The following ATP2B2 variants were observed in gnomAD, a reference collection of about 807,000 sequenced individuals.
ATP2B2 encodes the protein plasma membrane calcium-transporting ATPase 2.
ATP2B2 carries 15 observed loss-of-function variants against 120.0 expected under a neutral mutation model. The ratio of observed to expected loss-of-function variants is 0.12; its 90% CI spans 0.08 to 0.19. The LOEUF is 0.19. Ranked by LOEUF, ATP2B2 falls within the 10% of genes least tolerant of loss-of-function variation. The pLI is 1.00. For synonymous variants in ATP2B2, 694 were observed against 700.3 expected, an observed-to-expected ratio of 0.99 and a Z score of 0.14; for missense variants, 1,045 against 1,719.8, an observed-to-expected ratio of 0.61 and a Z score of 6.94.
intron 1 of ATP2B2, among the ~76,000 whole-genome samples, chr3:10,474,270 G>GAAGAATCCTGTTTTGGACTTGTT (rs1326972811): frequency 2.6e-5 from 4 of 152,164 alleles, no homozygotes; most frequent in Non-Finnish European, 5.9e-5. Flanking sequence ...TAGGCATGAT[G>GAAGAATCCTGTTTTGGACTTGTT]AAGAATCCTG....
At position 10,346,200 on chromosome 3, in the gene ATP2B2, C is replaced by A; in HGVS notation, c.2405-63G>T. ...CAGGTGGGAGGCAGCCTGGGCCAGC[C>A]CTGGTCCTCGGGAGGGGCCTGGCTG... On this transcript the variant is annotated intron_variant, in intron 16 of 22. Transcript: ENST00000360273. The surrounding 1 kb of genome is among the most constrained non-coding windows in gnomAD (Gnocchi z 4.1). 1 of 1,549,656 alleles carries A rather than the reference C, an allele frequency of 6.5e-7. No homozygotes were observed. The highest frequency in any genetic ancestry group is 8.8e-7 in the Non-Finnish European group (1 of 1,134,290).
chr3:10,570,466 T>C (rs1335662397), intron 2 of ATP2B2: 2 of 152,186 alleles, frequency 1.3e-5, no homozygotes, highest in Admixed American at 6.5e-5. Context: ...CCATTGTTAG[T>C]GATTTTAAGA....
chr3:10,415,904 G>A (rs2062764949), intron 2 of ATP2B2, among the ~76,000 whole-genome samples: 1 of 152,204 alleles, frequency 6.6e-6, no homozygotes, highest in Admixed American at 6.5e-5. Flanking sequence ...AGAGGTCAGA[G>A]CACTAGAGGA....
chr3:10,364,863 T>C (rs907736604), intron 12 of ATP2B2, among the ~76,000 whole-genome samples: 1 of 152,254 alleles, frequency 6.6e-6, no homozygotes, highest in Non-Finnish European at 1.5e-5. Context: ...TCTGGTGACC[T>C]AGCCAGTATC....
chr3:10,581,439 T>G (rs2068387389), intron 2 of ATP2B2, among the ~76,000 whole-genome samples: 1 of 152,002 alleles, frequency 6.6e-6, no homozygotes, highest in Non-Finnish European at 1.5e-5. Flanking sequence ...GCCAGAGAAC[T>G]GGGGCAAGGC....
intron 2 of ATP2B2, among the ~76,000 whole-genome samples, chr3:10,424,159 G>A (rs774774815): frequency 4.6e-5 from 7 of 152,126 alleles, no homozygotes; most frequent in Non-Finnish European, 7.3e-5. Context: ...CTTTATACAC[G>A]GGCCTTGCAT....
chr3:10,579,858 C>A (rs1044594348), intron 2 of ATP2B2, among the ~76,000 whole-genome samples: 1 of 87,822 alleles, frequency 1.1e-5, no homozygotes, highest in Non-Finnish European at 2.6e-5. Context: ...AGAAACAGAC[C>A]CAGAAGGTGG....
intron 2 of ATP2B2, among the ~76,000 whole-genome samples, chr3:10,598,857 G>A (rs1344522003): frequency 2.0e-5 from 3 of 152,194 alleles, no homozygotes; most frequent in African/African-American, 2.4e-5. Flanking sequence ...TGCAGTCCCC[G>A]GCCTGGAGCA....
Position 10,340,430 on chromosome 3 carries a change from T to A in ATP2B2, c.3129+63A>T. Reference sequence around the variant, plus strand: ...ACAGAGGGCTGGGCTCTCAGGGTCCTGCCCAGGGGCTCCAGCCGCTTGCTG... The same window carrying A: ...ACAGAGGGCTGGGCTCTCAGGGTCCAGCCCAGGGGCTCCAGCCGCTTGCTG... On this transcript the variant is annotated intron_variant, in intron 20 of 22. Coordinates refer to ENST00000360273, the MANE Select transcript of ATP2B2 (RefSeq NM_001001331.4). This position sits in a 1 kb window ranked among gnomAD's most constrained non-coding sequence, Gnocchi z 5.0. The A allele has an allele frequency of 1.9e-6, 3 of 1,613,494 alleles. No homozygotes were observed. The highest frequency in any genetic ancestry group is 2.5e-6 in the Non-Finnish European group (3 of 1,179,462).
chr3:10,575,125 G>A (rs1488700624), intron 2 of ATP2B2, among the ~76,000 whole-genome samples: 1 of 152,178 alleles, frequency 6.6e-6, no homozygotes, highest in Non-Finnish European at 1.5e-5. Flanking sequence ...TCCGCCCGGG[G>A]GAGAAAGCTG....
chr3:10,558,787 T>C (rs937624668), intron 2 of ATP2B2, among the ~76,000 whole-genome samples: 4 of 139,026 alleles, frequency 2.9e-5, no homozygotes, highest in African/African-American at 1.1e-4. Flanking sequence ...AAGCAAAATA[T>C]GGAGAAAGAT....
chr3:10,479,066 G>A (rs1391884845), intron 1 of ATP2B2, among the ~76,000 whole-genome samples: 1 of 150,464 alleles, frequency 6.6e-6, no homozygotes, highest in African/African-American at 2.4e-5. Context: ...CCAGCCAAGA[G>A]GAACTGTGAG....
intron 1 of ATP2B2, among the ~76,000 whole-genome samples, chr3:10,621,596 G>T (rs1439207353): frequency 6.6e-6 from 1 of 152,224 alleles, no homozygotes; most frequent in Non-Finnish European, 1.5e-5. Flanking sequence ...CTTCCTTCTG[G>T]CCTGGGATCC....
chr3:10,360,641 C>T lies in ATP2B2; in HGVS notation c.1660-518G>A, dbSNP rs562976575. Among the ~76,000 whole-genome samples, 6 of 152,318 alleles carry T rather than the reference C, an allele frequency of 3.9e-5. No individual in the cohort carries two copies. The South Asian group carries it at 1.0e-3, about 26-fold the overall frequency. ...AATTCACATGCAATAAGAAACAATACAGAGATGCCGTATACCCTTCATCCA... is the reference window on the plus strand; with the variant it reads ...AATTCACATGCAATAAGAAACAATATAGAGATGCCGTATACCCTTCATCCA... On this transcript the variant is annotated intron_variant, in intron 12 of 22. Transcript: ENST00000360273.
chr3:10,354,310 G>T (rs186119174), intron 14 of ATP2B2, among the ~76,000 whole-genome samples: 1 of 152,228 alleles, frequency 6.6e-6, no homozygotes, highest in East Asian at 1.9e-4. Flanking sequence ...AACCCCAGAG[G>T]CATCGATCCA....
intron 2 of ATP2B2, among the ~76,000 whole-genome samples, chr3:10,414,788 A>T (rs1319979629): frequency 1.3e-5 from 2 of 152,058 alleles, no homozygotes; most frequent in African/African-American, 4.8e-5. Context: ...TCCCTCTTCC[A>T]GGCAGCTCCT....
At chr3:10,471,180 C>G (rs1021651540) in intron 1 of ATP2B2, among the ~76,000 whole-genome samples, 1 of 152,192 alleles carries the variant, frequency 6.6e-6, no homozygotes, top group Admixed American at 6.5e-5. Context: ...CTCCTCCCTG[C>G]CCCCAGCACA....
At chr3:10,625,018 T>C (rs1323308431) in intron 1 of ATP2B2, among the ~76,000 whole-genome samples, 1 of 152,196 alleles carries the variant, frequency 6.6e-6, no homozygotes, top group Non-Finnish European at 1.5e-5. Context: ...CTTTGGTATT[T>C]CAAATGTCCT....
chr3:10,365,138 AG>A (rs2061006718), intron 12 of ATP2B2, among the ~76,000 whole-genome samples: 1 of 152,244 alleles, frequency 6.6e-6, no homozygotes, highest in South Asian at 2.1e-4. Flanking sequence ...GAGCCGAAGC[AG>A]GGGGTCTGGG....
Sources: allele counts gnomAD v4.1 joint callset (sites outside exome capture counted in the v4.1 genomes callset), GRCh38; gene constraint gnomAD v4.1.1; non-coding constraint Gnocchi (gnomAD v3.1); transcripts MANE v1.5; gene names NCBI Gene and HGNC (gene_info 2026-07-23, HGNC 2026-07-21).